DPP8: variants seen among roughly 807,000 people sequenced by gnomAD.
DPP8 encodes DPP VIII.
Under a neutral mutation model 107.5 loss-of-function variants are expected in DPP8, and 31 were observed. That is an observed-to-expected ratio of 0.29 (90% CI 0.22 to 0.39). The LOEUF is 0.39. DPP8 is among the 10% of genes least tolerant of loss of function. The pLI is 1.00. For synonymous variants in DPP8, 381 were observed against 356.6 expected (o/e 1.07, Z -0.77); for missense variants, 842 against 1,076.1 (o/e 0.78, Z 3.04).
chr15:65,516,293 C>T (rs562028018), intron 1 of DPP8: 1 of 152,846 alleles, frequency 6.5e-6, no homozygotes, highest in Admixed American at 6.5e-5. Context: ...AATTTAATAA[C>T]TTAAGACTTT....
chr15:65,473,209 C>A (rs1030570372), intron 12 of DPP8, among the ~76,000 whole-genome samples: 12 of 151,626 alleles, frequency 7.9e-5, no homozygotes, highest in African/African-American at 2.9e-4. Flanking sequence ...CCTGTAATCC[C>A]AGCTACTCGG....
At chr15:65,497,772 C>A in intron 5 of DPP8, 92 bp downstream of exon 5, 1 of 1,013,108 alleles carries the variant, frequency 9.9e-7, no homozygotes, top group Non-Finnish European at 1.4e-6. Context: ...TAAAGATCAC[C>A]CAACGTGGTA....
intron 4 of DPP8, among the ~76,000 whole-genome samples, chr15:65,500,250 C>G (rs553276751): frequency 3.9e-5 from 6 of 152,000 alleles, no homozygotes; most frequent in African/African-American, 1.4e-4. Flanking sequence ...GATACCCCAT[C>G]GCTACTAAAA....
intron 3 of DPP8, among the ~76,000 whole-genome samples, chr15:65,503,281 T>A (rs1193386744): frequency 6.6e-6 from 1 of 151,980 alleles, no homozygotes; most frequent in Non-Finnish European, 1.5e-5. Context: ...TAATTTTGTA[T>A]TTTTAGTAGA....
chr15:65,477,812 G>A (rs910393038), intron 11 of DPP8, among the ~76,000 whole-genome samples: 3 of 152,068 alleles, frequency 2.0e-5, no homozygotes, highest in Non-Finnish European at 2.9e-5. Flanking sequence ...GATTACAGGC[G>A]TGAGCCACCG....
At chr15:65,475,453 T>C in intron 11 of DPP8, 1 of 1,568,774 alleles carries the variant, frequency 6.4e-7, no homozygotes, top group Non-Finnish European at 8.7e-7. Context: ...GGAGCCAGGG[T>C]CCAGAGCTGC....
intron 17 of DPP8, among the ~76,000 whole-genome samples, chr15:65,453,710 C>A (rs1016885009): frequency 6.6e-6 from 1 of 151,090 alleles, no homozygotes; most frequent in Non-Finnish European, 1.5e-5. Context: ...GAGCGAGACT[C>A]CGTCTCAAAA....
At chr15:65,500,941 G>A (rs942338740) in intron 3 of DPP8, among the ~76,000 whole-genome samples, 162 bp from the exon 4 acceptor site, 3 of 147,142 alleles carry the variant, frequency 2.0e-5, no homozygotes, top group Admixed American at 6.9e-5. Context: ...GCAGTGGAGC[G>A]ATCTTGGCTC....
At chr15:65,508,150 G>A (rs575161800) in intron 2 of DPP8, among the ~76,000 whole-genome samples, 1 of 151,994 alleles carries the variant, frequency 6.6e-6, no homozygotes, top group Non-Finnish European at 1.5e-5. Flanking sequence ...TGAGGCAGGA[G>A]AATTGCTTGA....
chr15:65,489,549 G>A (rs552897910), intron 6 of DPP8, among the ~76,000 whole-genome samples: 1 of 150,330 alleles, frequency 6.7e-6, no homozygotes, highest in South Asian at 2.1e-4. Context: ...GAGTAGCTGG[G>A]ACTACAGGCG....
chr15:65,484,749 G>A (rs1177484025), intron 8 of DPP8, among the ~76,000 whole-genome samples: 1 of 151,340 alleles, frequency 6.6e-6, no homozygotes, highest in Non-Finnish European at 1.5e-5. Flanking sequence ...GAAATGGAAA[G>A]CAGAAGTACA....
intron 19 of DPP8, among the ~76,000 whole-genome samples, chr15:65,448,850 T>C (rs1161432672): frequency 8.7e-6 from 1 of 114,804 alleles, no homozygotes; most frequent in Non-Finnish European, 1.8e-5. Flanking sequence ...ATATAAAATA[T>C]ACATATATAT....
At chr15:65,454,136 CAAAAAA>C (rs370866269) in intron 17 of DPP8, 121 bp downstream of exon 17, 41 of 352,344 alleles carry the variant, frequency 1.2e-4, no homozygotes, top group Non-Finnish European at 1.1e-4. Flanking sequence ...GACTTCGTCT[CAAAAAA>C]AAAAAAAAAA....
Position 65,481,580 on chromosome 15 carries a change from A to C in DPP8, c.1053T>G (p.Pro351=). 4.4e-6 allele frequency: 7 copies of C among 1,586,274 alleles called. No individual in the cohort carries two copies. The highest frequency in any genetic ancestry group is 6.0e-6 in the Non-Finnish European group (7 of 1,166,924). ...CAACTCCTTCAAATAGAATCTCAAA[A>C]GGTTGAATTAGTTCCTTATCTATGA... ...IDVIDKELIQ[P]FEILFEGVEY... Residue 351 remains proline, a synonymous_variant, in exon 9 of 20, where the codon CCT becomes CCG. Coordinates refer to ENST00000300141, the MANE Select transcript of DPP8 (RefSeq NM_130434.5).
At chr15:65,510,786 G>C (rs2070673565) in intron 2 of DPP8, among the ~76,000 whole-genome samples, 1 of 152,202 alleles carries the variant, frequency 6.6e-6, no homozygotes, top group Admixed American at 6.5e-5. Flanking sequence ...TGATCCGCCA[G>C]CCATAGCCTC....
At chr15:65,511,872 TAA>T in intron 2 of DPP8, 1 of 245,418 alleles carries the variant, frequency 4.1e-6, no homozygotes, top group East Asian at 9.0e-5. Context: ...TTAACATATT[TAA>T]CATAGGCAGA....
rs374355237 is a variant in DPP8, at chr15:65,466,956, GC to G, written c.1689+114del. The G allele has an allele frequency of 8.4e-5, 122 of 1,451,358 alleles. No homozygotes were observed. The East Asian group carries it at 1.5e-3, about 18-fold the overall frequency. 89.9% of individuals were successfully genotyped at this position (1,451,358 alleles called of 1,614,324 possible). ...CAATGTTGAAATTAAGCTTTTTAAA[GC>G]TTTTCCTTAGAGAATTAGGCTTTTG... On this transcript the variant is annotated intron_variant, in intron 13 of 19. Transcript: ENST00000300141.
chr15:65,455,556 T>A (rs868478913), intron 16 of DPP8: 7 of 667,706 alleles, frequency 1.0e-5, no homozygotes, highest in Middle Eastern at 1.3e-3. Flanking sequence ...AAAGTCCTAA[T>A]TCCTACCACC....
intron 2 of DPP8, among the ~76,000 whole-genome samples, chr15:65,508,145 C>G (rs146002728): frequency 0.011 from 1,725 of 151,904 alleles, 38 homozygotes; most frequent in African/African-American, 0.04. Context: ...GTGGCTGAGG[C>G]AGGAGAATTG....
Sources: allele counts gnomAD v4.1 joint callset (sites outside exome capture counted in the v4.1 genomes callset), GRCh38; gene constraint gnomAD v4.1.1; transcripts MANE v1.5; gene names NCBI Gene and HGNC (gene_info 2026-07-23, HGNC 2026-07-21).